Variants in CNTNAP3B observed in about 807,000 individuals in gnomAD.
CNTNAP3B encodes contactin associated protein family member 3B, also known as contactin-associated protein-like 3B.
A neutral mutation model predicts 108.9 loss-of-function variants in CNTNAP3B; 25 were observed. That is an observed-to-expected ratio of 0.23 (90% CI 0.17 to 0.32). CNTNAP3B has a LOEUF of 0.32. CNTNAP3B is among the 10% of genes least tolerant of loss of function. The pLI is 1.00. For synonymous variants in CNTNAP3B, 103 were observed against 473.4 expected (o/e 0.22, Z 10.16); for missense variants, 252 against 1,210.4 (o/e 0.21, Z 11.75).
At chr9:42,041,358 C>T (rs1826748454) in intron 3 of CNTNAP3B, among the ~76,000 whole-genome samples, 1 of 151,058 alleles carries the variant, frequency 6.6e-6, no homozygotes. Context: ...GGCTAATATC[C>T]AGAATCTACA....
intron 2 of CNTNAP3B, among the ~76,000 whole-genome samples, chr9:42,096,090 C>A: frequency 7.2e-6 from 1 of 139,770 alleles, no homozygotes; most frequent in Non-Finnish European, 1.5e-5. Flanking sequence ...TCCTCACCGG[C>A]CACCAGAGCT....
intron 12 of CNTNAP3B, among the ~76,000 whole-genome samples, chr9:41,954,252 C>A (rs1824788743): frequency 6.6e-6 from 1 of 152,262 alleles, no homozygotes; most frequent in South Asian, 2.1e-4. Context: ...TTTTTAAGAA[C>A]TACGAAACAA....
rs536492177 is a variant in CNTNAP3B at position 41,961,384 on chromosome 9, T to C, written c.1757-492A>G. Among the ~76,000 whole-genome samples, 6 of 152,410 alleles carry C rather than the reference T, an allele frequency of 3.9e-5. No homozygotes were observed. The South Asian group carries it at 1.2e-3, about 32-fold the overall frequency. ...CTTGAAGAGATACGAGAGGAAAACT[T>C]TGTGAATCTGAATTCTGCGTGCTAT... On this transcript the variant is annotated intron_variant, in intron 11 of 23. Coordinates refer to ENST00000377561, the MANE Select transcript of CNTNAP3B (RefSeq NM_001201380.3).
At chr9:42,023,604 TA>T (rs1826346881) in intron 3 of CNTNAP3B, among the ~76,000 whole-genome samples, 1 of 101,550 alleles carries the variant, frequency 9.8e-6, no homozygotes, top group Admixed American at 1.0e-4. Context: ...GACTATTTTT[TA>T]TTGGCCAGTC....
intron 1 of CNTNAP3B, among the ~76,000 whole-genome samples, chr9:42,117,239 A>G (rs1479856003): frequency 7.4e-6 from 1 of 134,362 alleles, no homozygotes; most frequent in Admixed American, 7.5e-5. Context: ...TCAGCACCAC[A>G]TCACACTTAC....
rs1408200609 is a variant in CNTNAP3B, at chr9:42,120,964, A to T, written c.85+8046T>A. Among the ~76,000 whole-genome samples, 4 of 138,990 alleles carry T rather than the reference A, an allele frequency of 2.9e-5. 1 individual carries two copies. The highest frequency in any genetic ancestry group is 1.1e-4 in the African/African-American group (4 of 34,966). 91.2% of individuals were successfully genotyped at this position (138,990 alleles called of 152,430 possible). ...TGTGCACATGTACCCTGTAACTTAA[A>T]GTATAATAATAATAAAATAATAAAA... On this transcript the variant is annotated intron_variant, in intron 1 of 23. Coordinates refer to ENST00000377561, the MANE Select transcript of CNTNAP3B (RefSeq NM_001201380.3).
At position 42,114,086 on chromosome 9, in the gene CNTNAP3B, T is replaced by C. The variant is rs1463466216; in HGVS notation, c.86-9347A>G. 3.3e-5 allele frequency among the ~76,000 whole-genome samples: 4 copies of C among 119,526 alleles called. 1 individual carries two copies. The highest frequency in any genetic ancestry group is 5.8e-4 in the South Asian group (2 of 3,432). The allele number at this position is 119,526 out of a possible 152,430, so 78.4% of individuals were successfully genotyped here. A position where few individuals can be genotyped will look rare whatever the true frequency, so the allele number is the denominator to read the frequency against. On this transcript the variant is annotated intron_variant, in intron 1 of 23. Transcript: ENST00000377561. ...TGTTACAGAGGGATGGAAAGAAGAC[T>C]GTGTTCAACTTATAACATCTTAAAG...
intron 18 of CNTNAP3B, among the ~76,000 whole-genome samples, chr9:41,919,132 C>A (rs1451756869): frequency 1.3e-5 from 2 of 151,992 alleles, no homozygotes; most frequent in African/African-American, 4.8e-5. Flanking sequence ...TCCCTTTTTC[C>A]TTTTCTTTTT....
At chr9:41,919,435 T>C (rs1405129370) in intron 18 of CNTNAP3B, among the ~76,000 whole-genome samples, 1 of 152,176 alleles carries the variant, frequency 6.6e-6, no homozygotes, top group African/African-American at 2.4e-5. Flanking sequence ...AAAACATGAT[T>C]GTACCTGAGC....
intron 11 of CNTNAP3B, among the ~76,000 whole-genome samples, chr9:41,961,920 C>A (rs1235410611): frequency 6.6e-6 from 1 of 152,294 alleles, no homozygotes; most frequent in African/African-American, 2.4e-5. Context: ...CCACTTATGG[C>A]ATATTGATTT....
At chr9:41,935,309 T>C (rs1315739092) in intron 14 of CNTNAP3B, among the ~76,000 whole-genome samples, 5 of 152,322 alleles carry the variant, frequency 3.3e-5, no homozygotes, top group African/African-American at 7.2e-5. Context: ...CGATGGTTTA[T>C]ATTAACAATA....
At chr9:42,036,136 C>A (rs1438327588) in intron 3 of CNTNAP3B, among the ~76,000 whole-genome samples, 1 of 149,770 alleles carries the variant, frequency 6.7e-6, no homozygotes, top group African/African-American at 2.5e-5. Context: ...AAACTCCTGA[C>A]CTCAAGCACT....
chr9:42,035,664 T>G (rs1437176763), intron 3 of CNTNAP3B, among the ~76,000 whole-genome samples: 1 of 150,764 alleles, frequency 6.6e-6, no homozygotes, highest in Non-Finnish European at 1.5e-5. Flanking sequence ...TTACATATTT[T>G]TTATTGTTTT....
chr9:42,024,364 C>T (rs1267775915), intron 3 of CNTNAP3B, among the ~76,000 whole-genome samples: 32 of 88,788 alleles, frequency 3.6e-4, no homozygotes, highest in African/African-American at 1.4e-3. Flanking sequence ...TCACCACTGC[C>T]CCCATTGGTT....
intron 18 of CNTNAP3B, among the ~76,000 whole-genome samples, chr9:41,918,044 T>A (rs1171555681): frequency 6.6e-6 from 1 of 152,308 alleles, no homozygotes; most frequent in Non-Finnish European, 1.5e-5. Flanking sequence ...AGTTGTTTTT[T>A]AAAATAATAA....
intron 13 of CNTNAP3B, among the ~76,000 whole-genome samples, chr9:41,944,433 T>G (rs1302572791): frequency 6.6e-6 from 1 of 152,146 alleles, no homozygotes; most frequent in Non-Finnish European, 1.5e-5. Context: ...TGCTGTGTTA[T>G]AAAGTACCAG....
At chr9:41,928,610 C>T (rs2117996198) in intron 15 of CNTNAP3B, among the ~76,000 whole-genome samples, 1 of 152,410 alleles carries the variant, frequency 6.6e-6, no homozygotes, top group South Asian at 2.1e-4. Context: ...TGAACCACCC[C>T]TCTCAGAAGT....
intron 13 of CNTNAP3B, among the ~76,000 whole-genome samples, chr9:41,941,481 G>C (rs1824341018): frequency 6.6e-6 from 1 of 151,272 alleles, no homozygotes; most frequent in Non-Finnish European, 1.5e-5. Context: ...TCACCAGGAA[G>C]ACATAAATGC....
intron 13 of CNTNAP3B, among the ~76,000 whole-genome samples, chr9:41,939,939 C>T (rs1187261534): frequency 6.6e-6 from 1 of 151,942 alleles, no homozygotes; most frequent in South Asian, 2.1e-4. Flanking sequence ...AAAGAGGAAG[C>T]TTAGGACCCC....
Sources: gnomAD v4.1 joint callset for allele counts (sites outside exome capture counted in the v4.1 genomes callset) on GRCh38, gnomAD v4.1.1 for gene constraint, MANE v1.5 for transcripts, NCBI Gene and HGNC (gene_info 2026-07-23, HGNC 2026-07-21) for gene names.